The following OSBPL8 variants were observed in gnomAD, a reference collection of about 807,000 sequenced individuals.
The protein encoded by OSBPL8 is oxysterol-binding protein-related protein 8.
Under a neutral mutation model 125.5 loss-of-function variants are expected in OSBPL8, and 59 were observed. That is an observed-to-expected ratio of 0.47 (90% confidence interval 0.38 to 0.58). OSBPL8 has a LOEUF of 0.58. OSBPL8 is among the 20% of genes least tolerant of loss of function. The pLI, the probability that OSBPL8 is intolerant of heterozygous loss-of-function variation, is 0.00. For missense variants in OSBPL8, 758 were observed against 1,047.8 expected (o/e 0.72, Z 3.82); for synonymous variants, 330 against 338.9 (o/e 0.97, Z 0.29).
chr12:76,514,268 C>G (rs1026771748), intron 1 of OSBPL8, among the ~76,000 whole-genome samples: 37 of 151,978 alleles, frequency 2.4e-4, no homozygotes, highest in African/African-American at 9.0e-4. Context: ...CCTTAGCCTC[C>G]CAAGTAGCTG....
At chr12:76,380,929 A>G (rs560642187) in intron 15 of OSBPL8, among the ~76,000 whole-genome samples, 6 of 152,302 alleles carry the variant, frequency 3.9e-5, no homozygotes, top group Non-Finnish European at 7.4e-5. Context: ...GGACTAAGAA[A>G]TAAATAGGTG....
intron 21 of OSBPL8, among the ~76,000 whole-genome samples, chr12:76,368,312 G>A (rs369439519): frequency 1.3e-5 from 2 of 152,150 alleles, no homozygotes; most frequent in African/African-American, 4.8e-5. Flanking sequence ...TATGTGATAA[G>A]TTGTTTCTCT....
chr12:76,522,124 A>C (rs1882121460), intron 1 of OSBPL8, among the ~76,000 whole-genome samples: 1 of 152,174 alleles, frequency 6.6e-6, no homozygotes, highest in South Asian at 2.1e-4. Context: ...TGATGTGCTG[A>C]TTATTCACAC....
intron 1 of OSBPL8, among the ~76,000 whole-genome samples, chr12:76,544,636 C>A (rs1385159259): frequency 2.6e-5 from 4 of 152,020 alleles, no homozygotes; most frequent in Non-Finnish European, 5.9e-5. Context: ...AAAGCAAAAG[C>A]ACATTTATTA....
At chr12:76,524,756 T>C (rs1198244555) in intron 1 of OSBPL8, among the ~76,000 whole-genome samples, 1 of 151,558 alleles carries the variant, frequency 6.6e-6, no homozygotes, top group Middle Eastern at 3.2e-3. Context: ...CAATCCTGGC[T>C]CACTGCAACC....
At chr12:76,518,187 C>A (rs1881734087) in intron 1 of OSBPL8, among the ~76,000 whole-genome samples, 1 of 152,184 alleles carries the variant, frequency 6.6e-6, no homozygotes, top group South Asian at 2.1e-4. Context: ...TAGATCAAAA[C>A]AAGATACATT....
intron 1 of OSBPL8, among the ~76,000 whole-genome samples, chr12:76,521,960 C>CCAT (rs2137266787): frequency 6.6e-6 from 1 of 152,100 alleles, no homozygotes; most frequent in African/African-American, 2.4e-5. Context: ...ATTTATTTTA[C>CCAT]CATAATAAAA....
intron 1 of OSBPL8, among the ~76,000 whole-genome samples, chr12:76,499,953 C>T (rs1380740215): frequency 6.6e-6 from 1 of 152,146 alleles, no homozygotes; most frequent in Non-Finnish European, 1.5e-5. Context: ...TGCCTCAAAG[C>T]TACCCTCCAA....
chr12:76,410,551 T>G lies in OSBPL8; in HGVS notation c.288+13A>C, dbSNP rs1260846481. On this transcript the variant is annotated intron_variant, in intron 5 of 23. Transcript: ENST00000261183. Reference sequence around the variant, plus strand: ...AATATGTCATAATCATGTATTTGCTTATATATGCTTACCTTGCTCTTTGAC... The same window carrying G: ...AATATGTCATAATCATGTATTTGCTGATATATGCTTACCTTGCTCTTTGAC... The G allele has an allele frequency of 1.3e-6, 2 of 1,557,026 alleles. No individual in the cohort carries two copies. The highest frequency in any genetic ancestry group is 3.4e-5 in the Admixed American group (2 of 59,414).
At chr12:76,409,251 G>T (rs1290151020) in intron 5 of OSBPL8, among the ~76,000 whole-genome samples, 1 of 152,104 alleles carries the variant, frequency 6.6e-6, no homozygotes, top group Non-Finnish European at 1.5e-5. Flanking sequence ...CTCTGACCTT[G>T]CCCTGAAGCA....
At chr12:76,382,888 A>C (rs1020936317) in intron 15 of OSBPL8, among the ~76,000 whole-genome samples, 1 of 152,120 alleles carries the variant, frequency 6.6e-6, no homozygotes, top group African/African-American at 2.4e-5. Flanking sequence ...AGAATAGAAA[A>C]TTTTGCTATC....
intron 2 of OSBPL8, among the ~76,000 whole-genome samples, chr12:76,484,698 A>G (rs796458628): frequency 3.7e-4 from 57 of 152,276 alleles, no homozygotes; most frequent in African/African-American, 1.1e-3. Flanking sequence ...TCATGTTCTG[A>G]TCCACTTCTC....
chr12:76,547,736 T>C (rs2137472381), intron 1 of OSBPL8, among the ~76,000 whole-genome samples: 1 of 152,264 alleles, frequency 6.6e-6, no homozygotes, highest in Non-Finnish European at 1.5e-5. Context: ...GTCATGTGTT[T>C]AAAGCTAAAA....
At chr12:76,366,623 A>G in intron 21 of OSBPL8, 1 of 443,320 alleles carries the variant, frequency 2.3e-6, no homozygotes, top group Non-Finnish European at 4.5e-6. Flanking sequence ...TTCTCACGGA[A>G]TGAAGTAAGG....
At chr12:76,546,891 A>C (rs1458370850) in intron 1 of OSBPL8, among the ~76,000 whole-genome samples, 2 of 152,228 alleles carry the variant, frequency 1.3e-5, no homozygotes, top group Non-Finnish European at 2.9e-5. Context: ...AATTTAAAAA[A>C]AATGTAAAGG....
At chr12:76,376,802 T>C (rs1210067886) in intron 16 of OSBPL8, among the ~76,000 whole-genome samples, 1 of 152,098 alleles carries the variant, frequency 6.6e-6, no homozygotes, top group East Asian at 1.9e-4. Context: ...CAACTGTGTG[T>C]TCTGGGATAC....
At chr12:76,381,179 A>G (rs901252044) in intron 15 of OSBPL8, among the ~76,000 whole-genome samples, 1 of 152,110 alleles carries the variant, frequency 6.6e-6, no homozygotes, top group Non-Finnish European at 1.5e-5. Context: ...TTTTACATGT[A>G]TAAGGATATT....
At chr12:76,503,019 C>T (rs1414989316) in intron 1 of OSBPL8, among the ~76,000 whole-genome samples, 1 of 152,048 alleles carries the variant, frequency 6.6e-6, no homozygotes, top group Non-Finnish European at 1.5e-5. Context: ...TACAGAATAA[C>T]AAGAAAAATG....
At chr12:76,363,923 G>C (rs558920853) in intron 21 of OSBPL8, among the ~76,000 whole-genome samples, 17 of 152,312 alleles carry the variant, frequency 1.1e-4, no homozygotes. Context: ...CTGGTCCTTA[G>C]AGCAATGCAA....
Sources: allele counts gnomAD v4.1 joint callset (sites outside exome capture counted in the v4.1 genomes callset), GRCh38; gene constraint gnomAD v4.1.1; transcripts MANE v1.5; gene names NCBI Gene and HGNC (gene_info 2026-07-23, HGNC 2026-07-21).